DUSP22: variants seen among roughly 807,000 people sequenced by gnomAD.
The protein encoded by DUSP22 is dual specificity phosphatase 22.
In DUSP22, 24 loss-of-function variants were observed where a neutral mutation model predicts 24.5. The observed-to-expected ratio is 0.98, with a 90% CI of 0.71 to 1.38. The LOEUF (loss-of-function observed/expected upper bound fraction) is 1.38, where lower values mean the gene tolerates loss of function less well. Among genes scored for constraint, DUSP22 ranks in the 40% most tolerant of loss-of-function variants. The probability of loss-of-function intolerance (pLI) is 0.00; values close to 1 mark genes in which losing one functional copy is unlikely to be tolerated. For synonymous variants in DUSP22, 160 were observed against 106.4 expected (o/e 1.50, Z -3.10); for missense variants, 330 against 269.2 (o/e 1.23, Z -1.58).
chr6:344,384 CAA>C (rs1759758680), intron 4 of DUSP22, among the ~76,000 whole-genome samples: 1 of 152,298 alleles, frequency 6.6e-6, no homozygotes, highest in African/African-American at 2.4e-5. Context: ...CTCCTGGGCT[CAA>C]GAGATCCTCC....
chr6:309,651 G>A (rs1757975263), intron 2 of DUSP22, among the ~76,000 whole-genome samples: 2 of 152,206 alleles, frequency 1.3e-5, no homozygotes, highest in Admixed American at 6.5e-5. Flanking sequence ...AGTTCCTAGG[G>A]TGTTAAACTT....
intron 3 of DUSP22, among the ~76,000 whole-genome samples, chr6:320,711 G>A (rs1490113609): frequency 6.6e-6 from 1 of 152,300 alleles, no homozygotes; most frequent in Non-Finnish European, 1.5e-5. Context: ...ACTCAGTGGG[G>A]AGGGAGGGTG....
chr6:307,477 C>T (rs964793), intron 2 of DUSP22, among the ~76,000 whole-genome samples: 1 of 152,082 alleles, frequency 6.6e-6, no homozygotes, highest in African/African-American at 2.4e-5. Flanking sequence ...AGAAGAACCA[C>T]AAACAAACCC....
rs1306569778 is a variant in DUSP22, at chr6:348,416, AC to A, written c.435+146del. 8 of 1,362,814 alleles carry A rather than the reference AC, an allele frequency of 5.9e-6. No homozygotes were observed. The African/African-American group carries it at 1.0e-4, about 17-fold the overall frequency. 84.4% of individuals were successfully genotyped at this position (1,362,814 alleles called of 1,614,324 possible). On this transcript the variant is annotated intron_variant, in intron 6 of 6. Coordinates refer to ENST00000419235, the MANE Select transcript of DUSP22 (RefSeq NM_001286555.3). ...ATCGGCTCCCAGGGCGCCCAGCTGC[AC>A]CCCTTCAGAAGTCGTCACGATCCCT...
intron 1 of DUSP22, among the ~76,000 whole-genome samples, chr6:295,579 A>T (rs1757286266): frequency 6.6e-6 from 1 of 152,240 alleles, no homozygotes; most frequent in Admixed American, 6.5e-5. Context: ...GTTTAGAACC[A>T]GCCTGGGCAA....
chr6:348,924 C>T lies in DUSP22; in HGVS notation c.591C>T (p.Thr197=), dbSNP rs750723449. 6.2e-7 allele frequency: 1 copy of T among 1,610,884 alleles called. No individual in the cohort carries two copies. The highest frequency in any genetic ancestry group is 8.5e-7 in the Non-Finnish European group (1 of 1,178,236). Residue 197 remains threonine (T), a synonymous_variant, in exon 7 of 7, where the codon ACC becomes ACT. Coordinates refer to ENST00000419235, the MANE Select transcript of DUSP22 (RefSeq NM_001286555.3). The stretch of plus-strand genomic sequence containing the variant: ...GTTTTCCGGCACTGGCTCCGCTGAC[C>T]TACGATAATTATACGACGGAGACCT... ...WSSFPALAPL[T]YDNYTTET
chr6:324,166 G>A (rs1470248925), intron 3 of DUSP22, among the ~76,000 whole-genome samples: 3 of 152,310 alleles, frequency 2.0e-5, no homozygotes, highest in African/African-American at 7.2e-5. Context: ...GGCTACCCCA[G>A]TGAGTGTCCT....
At position 335,040 on chromosome 6, in the gene DUSP22, T is replaced by C. The variant is rs1301214687; in HGVS notation, c.139-74T>C. The C allele has an allele frequency of 2.0e-6, 3 of 1,527,036 alleles. No homozygotes were observed. The African/African-American group carries it at 4.1e-5, about 21-fold the overall frequency. 94.6% of individuals were successfully genotyped at this position (1,527,036 alleles called of 1,614,324 possible). On this transcript the variant is annotated intron_variant, in intron 3 of 6. Transcript: ENST00000419235. ...TTTTTTATTTTTTGACCTGTGTAAA[T>C]AGTTCCTTAAATACTTTTCTCCACT...
At chr6:325,897 C>G (rs1260633479) in intron 3 of DUSP22, 4 of 174,054 alleles carry the variant, frequency 2.3e-5, no homozygotes, top group Admixed American at 7.3e-5. Context: ...CCCTGGGCTT[C>G]TGCGTCCTGG....
intron 3 of DUSP22, among the ~76,000 whole-genome samples, chr6:328,113 C>T (rs1285185808): frequency 6.6e-6 from 1 of 152,296 alleles, no homozygotes; most frequent in East Asian, 1.9e-4. Context: ...GATTTCTAAG[C>T]AGCAGCTTTC....
In DUSP22 at chr6:313,946, C is replaced by T. The variant is rs1758221551; in HGVS notation, c.138+1984C>T. On this transcript the variant is annotated intron_variant, in intron 3 of 6. Coordinates refer to ENST00000419235, the MANE Select transcript of DUSP22 (RefSeq NM_001286555.3). ...TTTGTTTAGCTGTCTGCCTGGGGCA[C>T]AAAGGCAGTCTTCTGTCTTGAGTTT... 2.0e-5 allele frequency among the ~76,000 whole-genome samples: 3 copies of T among 152,300 alleles called. No homozygotes were observed. In the South Asian group the frequency reaches 6.2e-4, roughly 31 times the overall value.
intron 3 of DUSP22, among the ~76,000 whole-genome samples, chr6:314,739 T>C (rs996995774): frequency 1.8e-4 from 27 of 152,422 alleles, no homozygotes; most frequent in African/African-American, 6.0e-4. Context: ...CTTGCTTATG[T>C]GATGTGCCTC....
At chr6:319,608 T>C (rs557406161) in intron 3 of DUSP22, among the ~76,000 whole-genome samples, 1 of 152,424 alleles carries the variant, frequency 6.6e-6, no homozygotes, top group Non-Finnish European at 1.5e-5. Context: ...GGGCAAGATT[T>C]CCCATTTGCG....
intron 5 of DUSP22, among the ~76,000 whole-genome samples, chr6:347,061 G>A (rs1264955062): frequency 6.6e-6 from 1 of 152,302 alleles, no homozygotes. Context: ...GGATTTTAAC[G>A]TTCATTTCTG....
Position 349,025 on chromosome 6 carries a change from T to C in DUSP22, c.*74T>C. The C allele has an allele frequency of 2.0e-6, 3 of 1,531,856 alleles. No individual in the cohort carries two copies. Among genetic ancestry groups the C allele is most frequent in the East Asian group, 2.5e-5 (1 of 40,732 alleles). 94.9% of individuals were successfully genotyped at this position (1,531,856 alleles called of 1,614,324 possible). ...CGGCTGGGCAGGGGTGCGGTGGTGG[T>C]GGCCGATGAGGACAGGAAAGGGAGA... On this transcript the variant is annotated 3_prime_UTR_variant, in exon 7 of 7. Transcript: ENST00000419235.
At position 292,539 on chromosome 6, in the gene DUSP22, C is replaced by T; in HGVS notation, c.-1C>T. The T allele has an allele frequency of 6.2e-7, 1 of 1,606,030 alleles. No homozygotes were observed. Among genetic ancestry groups the T allele is most frequent in the Non-Finnish European group, 8.5e-7 (1 of 1,176,236 alleles). On this transcript the variant is annotated 5_prime_UTR_variant, in exon 1 of 7. Transcript: ENST00000419235. ...GGCGCTAGCGTTCGCCTTCAGCCACCATGGGGAATGGGATGAACAAGGTAA... is the reference window on the plus strand; with the variant it reads ...GGCGCTAGCGTTCGCCTTCAGCCACTATGGGGAATGGGATGAACAAGGTAA...
chr6:306,702 A>G (rs897455621), intron 2 of DUSP22, among the ~76,000 whole-genome samples: 24 of 152,294 alleles, frequency 1.6e-4, no homozygotes, highest in African/African-American at 5.8e-4. Context: ...ATTTTCCCCA[A>G]TTGTGCTGTG....
rs562943066 is a variant in DUSP22, at chr6:350,555, C to T, written c.*1604C>T. 2.0e-5 allele frequency: 27 copies of T among 1,363,424 alleles called. No homozygotes were observed. The East Asian group carries it at 7.2e-4, about 36-fold the overall frequency. The allele number at this position is 1,363,424 out of a possible 1,614,324, so 84.5% of individuals were successfully genotyped here. ...TGGGGACCGGGAAAAACAAAGTTGC[C>T]TGATTCCGCGCAGGTGCACAGGCCC... On this transcript the variant is annotated 3_prime_UTR_variant, in exon 7 of 7. Coordinates refer to ENST00000419235, the MANE Select transcript of DUSP22 (RefSeq NM_001286555.3).
intron 3 of DUSP22, among the ~76,000 whole-genome samples, chr6:322,188 C>G (rs941625310): frequency 3.3e-5 from 5 of 152,408 alleles, no homozygotes; most frequent in African/African-American, 1.2e-4. Context: ...AGCCATTGCT[C>G]TTAAATAAAA....
Sources: gnomAD v4.1 joint callset for allele counts (sites outside exome capture counted in the v4.1 genomes callset) on GRCh38, gnomAD v4.1.1 for gene constraint, MANE v1.5 for transcripts, NCBI Gene and HGNC (gene_info 2026-07-23, HGNC 2026-07-21) for gene names.